The following MAP3K13 variants were observed in gnomAD, a reference collection of about 807,000 sequenced individuals.
MAP3K13 encodes the protein leucine zipper-bearing kinase.
MAP3K13 carries 52 observed loss-of-function variants against 104.0 expected under a neutral mutation model. The observed-to-expected ratio is 0.50, with a 90% CI of 0.40 to 0.63. The LOEUF (loss-of-function observed/expected upper bound fraction) is 0.63. Among genes scored for constraint, MAP3K13 ranks in the 20% least tolerant of loss-of-function variants. The pLI is 0.00. For missense variants in MAP3K13, 914 were observed against 1,218.5 expected (o/e 0.75, Z 3.72); for synonymous variants, 394 against 442.2 (o/e 0.89, Z 1.37).
intron 1 of MAP3K13, among the ~76,000 whole-genome samples, chr3:185,391,643 A>AT (rs573790602): frequency 6.6e-6 from 1 of 152,072 alleles, no homozygotes; most frequent in Non-Finnish European, 1.5e-5. Context: ...AAATCAACAG[A>AT]TTTTTTTTAA....
chr3:185,428,260 A>T (rs866617979), intron 1 of MAP3K13, among the ~76,000 whole-genome samples: 5 of 152,026 alleles, frequency 3.3e-5, no homozygotes, highest in Non-Finnish European at 5.9e-5. Context: ...TTCTAAGTTA[A>T]TGTTGTATAT....
intron 2 of MAP3K13, among the ~76,000 whole-genome samples, chr3:185,294,940 G>A (rs1057146902): frequency 5.3e-5 from 8 of 151,644 alleles, no homozygotes; most frequent in African/African-American, 1.9e-4. Context: ...TATCATCTTC[G>A]CCTACATTTT....
chr3:185,447,118 G>A (rs954570524), intron 4 of MAP3K13, among the ~76,000 whole-genome samples: 3 of 152,130 alleles, frequency 2.0e-5, no homozygotes, highest in African/African-American at 7.2e-5. Context: ...ATATAAACTG[G>A]TTGAGAACTT....
Position 185,450,115 on chromosome 3 carries a change from T to C in MAP3K13, c.1169+57T>C, listed in dbSNP as rs939304779. ...GTCTCTAATGTGTATTTGGAGTAAA[T>C]ATCCTGGTGGTGGAAAGAATAGGAG... On this transcript the variant is annotated intron_variant, in intron 6 of 13. Transcript: ENST00000265026. This position sits in a 1 kb window ranked among gnomAD's most constrained non-coding sequence, Gnocchi z 4.2. 1.4e-6 allele frequency: 2 copies of C among 1,450,234 alleles called. No individual in the cohort carries two copies. The highest frequency in any genetic ancestry group is 2.9e-5 in the African/African-American group (2 of 69,348). 89.8% of individuals were successfully genotyped at this position (1,450,234 alleles called of 1,614,324 possible).
intron 1 of MAP3K13, among the ~76,000 whole-genome samples, chr3:185,375,147 C>T (rs371587016): frequency 6.6e-6 from 1 of 152,086 alleles, no homozygotes; most frequent in Admixed American, 6.6e-5. Context: ...AAGCCCAAAC[C>T]GAGGAATTAT....
intron 1 of MAP3K13, among the ~76,000 whole-genome samples, chr3:185,414,675 C>T (rs1713642373): frequency 6.6e-6 from 1 of 152,048 alleles, no homozygotes. Flanking sequence ...CATTGGAAGT[C>T]GAAGTCTGTT....
Position 185,315,096 on chromosome 3 carries a change from A to G in MAP3K13, c.-86+29453A>G, listed in dbSNP as rs1275757954. Among the ~76,000 whole-genome samples the G allele has an allele frequency of 6.6e-6, 1 of 152,084 alleles. No homozygotes were observed. Among genetic ancestry groups the G allele is most frequent in the Non-Finnish European group, 1.5e-5 (1 of 67,984 alleles). On this transcript the variant is annotated intron_variant, in intron 2 of 14. Coordinates refer to the MAP3K13 transcript ENST00000424227. The surrounding 1 kb of genome is among the most constrained non-coding windows in gnomAD (Gnocchi z 4.3). ...TGAAACCCAGTCTCTAAGAATACAA[A>G]AAAATTAGCCAGGTGTGGTGGCATG...
intron 2 of MAP3K13, among the ~76,000 whole-genome samples, chr3:185,434,413 C>T (rs1714910511): frequency 6.6e-6 from 1 of 152,168 alleles, no homozygotes; most frequent in African/African-American, 2.4e-5. Flanking sequence ...CATGTTCATA[C>T]CTTGCTATTG....
chr3:185,462,584 A>C (rs10937218), intron 7 of MAP3K13, among the ~76,000 whole-genome samples: 117,558 of 151,900 alleles, frequency 0.77, 46,305 homozygotes, highest in Non-Finnish European at 0.86. Context: ...ACCAGCCTGG[A>C]CAACAAGGTG....
chr3:185,362,939 A>G (rs1343263843), upstream of MAP3K13: 1 of 111,170 alleles, frequency 9.0e-6, no homozygotes, highest in Non-Finnish European at 2.0e-5. Context: ...AAACACACAC[A>G]CACACACACA....
In MAP3K13 at chr3:185,355,059, TTGTAAAC is replaced by T. The variant is rs67873877; in HGVS notation, c.-86+69423_-86+69429del. On this transcript the variant is annotated intron_variant, in intron 2 of 14. Transcript: ENST00000424227. Reference sequence around the variant, plus strand: ...AACAACTACCCTATTTTAAAGAAAGTTGTAAACTGTAAAGTGCAGTATAAGATCGTTT... The same window carrying T: ...AACAACTACCCTATTTTAAAGAAAGTTGTAAAGTGCAGTATAAGATCGTTT... Among the ~76,000 whole-genome samples the T allele has an allele frequency of 7.1e-3, 1,076 of 152,266 alleles. 18 individuals carry two copies. The highest frequency in any genetic ancestry group is 0.025 in the African/African-American group (1,027 of 41,540).
chr3:185,372,607 A>G (rs577880545), intron 1 of MAP3K13, among the ~76,000 whole-genome samples: 21 of 152,302 alleles, frequency 1.4e-4, no homozygotes, highest in African/African-American at 4.6e-4. Flanking sequence ...AAGGTTATCT[A>G]CATTGATGAT....
chr3:185,427,020 G>A (rs747592007), intron 1 of MAP3K13, among the ~76,000 whole-genome samples: 3 of 152,074 alleles, frequency 2.0e-5, no homozygotes, highest in African/African-American at 7.2e-5. Flanking sequence ...AGGAATGACT[G>A]TTACAAAGGG....
At chr3:185,312,880 C>G (rs555581985) in intron 2 of MAP3K13, among the ~76,000 whole-genome samples, 1 of 152,134 alleles carries the variant, frequency 6.6e-6, no homozygotes, top group African/African-American at 2.4e-5. Context: ...ATATAAAATT[C>G]TAACAGTACA....
intron 11 of MAP3K13, 186 bp from the exon 12 acceptor site, chr3:185,477,140 T>G (rs759592314): frequency 2.9e-6 from 2 of 687,620 alleles, no homozygotes; most frequent in Admixed American, 2.0e-5. Flanking sequence ...CCCGCCATCA[T>G]AGGTACCCTG....
upstream of MAP3K13, among the ~76,000 whole-genome samples, chr3:185,358,251 A>T (rs1723461396): frequency 6.6e-6 from 1 of 152,160 alleles, no homozygotes. Flanking sequence ...AAAAATGAAA[A>T]TTCAGTGGAT....
At chr3:185,447,494 CAAAAAAAAAAAAAAAA>C (rs1178155454) in intron 4 of MAP3K13, among the ~76,000 whole-genome samples, 62 of 28,394 alleles carry the variant, frequency 2.2e-3, no homozygotes, top group Admixed American at 6.2e-3. Context: ...AACTCTGTCT[CAAAAAAAAAAAAAAAA>C]AAAAAAAAAA....
In MAP3K13 at chr3:185,455,191, GAT is replaced by G. The variant is rs765943374; in HGVS notation, c.1278+3805_1278+3806del. 7.1e-3 allele frequency among the ~76,000 whole-genome samples: 582 copies of G among 81,996 alleles called. 14 individuals are homozygous for G. Among genetic ancestry groups the G allele is most frequent in the African/African-American group, 0.016 (317 of 20,248 alleles). The allele number at this position is 81,996 out of a possible 152,430, so 53.8% of individuals were successfully genotyped here. A position where few individuals can be genotyped will look rare whatever the true frequency, so the allele number is the denominator to read the frequency against. ...TATGAGATATATATGATATATATGAGATATATATATGATATATATGAGATATA... is the reference window on the plus strand; with the variant it reads ...TATGAGATATATATGATATATATGAGATATATATGATATATATGAGATATA... On this transcript the variant is annotated intron_variant, in intron 7 of 13. Transcript: ENST00000265026.
rs1270258230 is a variant in MAP3K13 at position 185,438,059 on chromosome 3, A to C, written c.659+429A>C. Among the ~76,000 whole-genome samples the C allele has an allele frequency of 2.0e-5, 3 of 152,272 alleles. 1 individual carries two copies. The highest frequency in any genetic ancestry group is 1.5e-5 in the Non-Finnish European group (1 of 68,016). ...TGTAATCCCAGCACTTTGGGAGGCCAAGGCAGGCAGATCACTTGAGCCCAG... is the reference window on the plus strand; with the variant it reads ...TGTAATCCCAGCACTTTGGGAGGCCCAGGCAGGCAGATCACTTGAGCCCAG... On this transcript the variant is annotated intron_variant, in intron 3 of 13. Coordinates refer to ENST00000265026, the MANE Select transcript of MAP3K13 (RefSeq NM_004721.5).
Sources: gnomAD v4.1 joint callset for allele counts (sites outside exome capture counted in the v4.1 genomes callset) on GRCh38, gnomAD v4.1.1 for gene constraint, Gnocchi (gnomAD v3.1) non-coding constraint, MANE v1.5 for transcripts, NCBI Gene and HGNC (gene_info 2026-07-23, HGNC 2026-07-21) for gene names.